Variants in SKAP2 observed in about 807,000 individuals in gnomAD.
SKAP2 encodes the protein src kinase associated phosphoprotein 2, also known as src kinase-associated phosphoprotein 2.
SKAP2 carries 28 observed loss-of-function variants against 54.9 expected under a neutral mutation model. That is an observed-to-expected ratio of 0.51 (90% confidence interval 0.38 to 0.70). The LOEUF (loss-of-function observed/expected upper bound fraction) is 0.70. Ranked by LOEUF, SKAP2 falls within the 30% of genes least tolerant of loss-of-function variation. The pLI, the probability that SKAP2 is intolerant of heterozygous loss-of-function variation, is 0.00. For synonymous variants in SKAP2, 137 were observed against 134.3 expected (o/e 1.02, Z -0.14); for missense variants, 356 against 424.1 (o/e 0.84, Z 1.41).
intron 4 of SKAP2, among the ~76,000 whole-genome samples, chr7:26,790,368 T>C (rs1207261587): frequency 6.6e-6 from 1 of 152,198 alleles, no homozygotes; most frequent in Non-Finnish European, 1.5e-5. Context: ...ACAGAAGAGC[T>C]ACACAACATG....
intron 10 of SKAP2, among the ~76,000 whole-genome samples, chr7:26,688,580 C>G (rs536759953): frequency 2.6e-5 from 4 of 152,300 alleles, no homozygotes; most frequent in Middle Eastern, 3.4e-3. Context: ...GCAAAGGTCA[C>G]TTCTATGCAA....
At chr7:26,744,684 C>T (rs73683508) in intron 4 of SKAP2, among the ~76,000 whole-genome samples, 75 of 152,010 alleles carry the variant, frequency 4.9e-4, no homozygotes, top group African/African-American at 1.7e-3. Context: ...ATTCCAGGGT[C>T]TTCCCTAACA....
chr7:26,787,274 CA>C (rs1783570350), intron 4 of SKAP2, among the ~76,000 whole-genome samples: 1 of 151,406 alleles, frequency 6.6e-6, no homozygotes, highest in African/African-American at 2.4e-5. Context: ...GCAGGCTGTG[CA>C]AGTATGGTGT....
intron 4 of SKAP2, among the ~76,000 whole-genome samples, chr7:26,745,327 T>C (rs1584364517): frequency 6.6e-6 from 1 of 152,250 alleles, no homozygotes; most frequent in East Asian, 1.9e-4. Context: ...ATGTGAGTTT[T>C]CCCTGAACTC....
chr7:26,837,711 G>A (rs561248035), intron 4 of SKAP2, among the ~76,000 whole-genome samples: 12 of 152,204 alleles, frequency 7.9e-5, no homozygotes, highest in Non-Finnish European at 1.0e-4. Flanking sequence ...CAGATTTAGC[G>A]TTTCTAACAA....
chr7:26,685,927 A>C (rs762625675), intron 10 of SKAP2, among the ~76,000 whole-genome samples: 4 of 152,180 alleles, frequency 2.6e-5, no homozygotes, highest in Non-Finnish European at 5.9e-5. Flanking sequence ...CATCACTGGA[A>C]TGTCATCTTT....
chr7:26,839,972 T>C (rs1297299157), intron 4 of SKAP2, among the ~76,000 whole-genome samples: 1 of 151,970 alleles, frequency 6.6e-6, no homozygotes, highest in Non-Finnish European at 1.5e-5. Flanking sequence ...TGGATTTTTG[T>C]AAAGAAAAGT....
intron 3 of SKAP2, among the ~76,000 whole-genome samples, chr7:26,846,204 A>G (rs779774329): frequency 7.9e-5 from 12 of 152,114 alleles, no homozygotes; most frequent in Non-Finnish European, 1.5e-4. Flanking sequence ...GTATTAGGAT[A>G]CTTCAAAAAC....
At chr7:26,658,873 G>C in the SKAP2 span, among the ~76,000 whole-genome samples, 1 of 150,204 alleles carries the variant, frequency 6.7e-6, no homozygotes, top group Non-Finnish European at 1.5e-5. Flanking sequence ...TCAGCACCAC[G>C]TGCTGAAGCC....
At chr7:26,847,560 T>C (rs966806769) in intron 3 of SKAP2, among the ~76,000 whole-genome samples, 4 of 150,930 alleles carry the variant, frequency 2.7e-5, no homozygotes, top group African/African-American at 9.7e-5. Flanking sequence ...AAATCAACAA[T>C]AGGCATCAGG....
At chr7:26,785,346 C>T (rs1480650083) in intron 4 of SKAP2, among the ~76,000 whole-genome samples, 6 of 152,070 alleles carry the variant, frequency 3.9e-5, no homozygotes, top group South Asian at 2.1e-4. Flanking sequence ...GCCACCACAC[C>T]GGGCTAATTT....
chr7:26,842,818 C>T (rs538842192), intron 4 of SKAP2, among the ~76,000 whole-genome samples: 8 of 151,760 alleles, frequency 5.3e-5, no homozygotes, highest in African/African-American at 1.9e-4. Context: ...AAGGGTAATG[C>T]TCTGTTTTGG....
intron 9 of SKAP2, among the ~76,000 whole-genome samples, chr7:26,702,072 CG>C (rs1787039699): frequency 1.3e-5 from 2 of 152,224 alleles, no homozygotes; most frequent in Admixed American, 6.5e-5. Context: ...AAGTGGACAC[CG>C]TATCAGTTTC....
At chr7:26,844,610 T>G (rs926105160) in intron 3 of SKAP2, among the ~76,000 whole-genome samples, 2 of 152,192 alleles carry the variant, frequency 1.3e-5, no homozygotes, top group Non-Finnish European at 2.9e-5. Context: ...TGAAGCTGTA[T>G]GAATATTTTG....
chr7:26,735,012 C>T lies in SKAP2; in HGVS notation c.469+3783G>A, dbSNP rs183372737. 9.3e-4 allele frequency among the ~76,000 whole-genome samples: 141 copies of T among 152,220 alleles called. 1 individual carries two copies. Among genetic ancestry groups the T allele is most frequent in the African/African-American group, 3.3e-3 (136 of 41,546 alleles). ...TAACTTCCCTAGGCAATTAGTTTCC[C>T]TCCTTTGTGATCCAAAGATACCTTA... On this transcript the variant is annotated intron_variant, in intron 6 of 12. Coordinates refer to ENST00000345317, the MANE Select transcript of SKAP2 (RefSeq NM_003930.5).
At chr7:26,655,013 G>A in the SKAP2 span, among the ~76,000 whole-genome samples, 2 of 152,182 alleles carry the variant, frequency 1.3e-5, no homozygotes, top group Non-Finnish European at 2.9e-5. Flanking sequence ...GGTAAAGCAT[G>A]TGGCAGTCAG....
intron 9 of SKAP2, among the ~76,000 whole-genome samples, chr7:26,719,096 C>T (rs959738694): frequency 6.6e-6 from 1 of 152,152 alleles, no homozygotes; most frequent in East Asian, 1.9e-4. Flanking sequence ...AGGAGAAACA[C>T]TTGAGGAGTT....
At chr7:26,710,089 T>C (rs1787267194) in intron 9 of SKAP2, among the ~76,000 whole-genome samples, 2 of 152,182 alleles carry the variant, frequency 1.3e-5, no homozygotes, top group African/African-American at 4.8e-5. Flanking sequence ...AAGAGAAAGT[T>C]TCTCTTAATT....
intron 4 of SKAP2, among the ~76,000 whole-genome samples, chr7:26,801,788 T>C (rs956156466): frequency 2.0e-5 from 3 of 151,962 alleles, no homozygotes; most frequent in Admixed American, 2.0e-4. Flanking sequence ...TACCTAGAAA[T>C]TAACTTAAAG....
Sources: allele counts gnomAD v4.1 joint callset (sites outside exome capture counted in the v4.1 genomes callset), GRCh38; gene constraint gnomAD v4.1.1; transcripts MANE v1.5; gene names NCBI Gene and HGNC (gene_info 2026-07-23, HGNC 2026-07-21).